The following RPH3A variants were observed in gnomAD, a reference collection of about 807,000 sequenced individuals.
RPH3A encodes rabphilin-3A.
A neutral mutation model predicts 102.2 loss-of-function variants in RPH3A; 48 were observed. That is an observed-to-expected ratio of 0.47 (90% CI 0.37 to 0.60). The LOEUF (loss-of-function observed/expected upper bound fraction) is 0.60. Ranked by LOEUF, RPH3A falls within the 20% of genes least tolerant of loss-of-function variation. The pLI, the probability that RPH3A is intolerant of heterozygous loss-of-function variation, is 0.00. For missense variants in RPH3A, 781 were observed against 910.1 expected, an observed-to-expected ratio of 0.86 and a Z score of 1.83; for synonymous variants, 310 against 324.3, an observed-to-expected ratio of 0.96 and a Z score of 0.47.
At chr12:112,765,010 G>A (rs1277530948) in intron 1 of RPH3A, among the ~76,000 whole-genome samples, 1 of 152,152 alleles carries the variant, frequency 6.6e-6, no homozygotes, top group African/African-American at 2.4e-5. Flanking sequence ...ATAATTGTCT[G>A]AGCCATAAAG....
intron 1 of RPH3A, among the ~76,000 whole-genome samples, chr12:112,680,024 C>G (rs2040215461): frequency 6.6e-6 from 1 of 152,088 alleles, no homozygotes; most frequent in African/African-American, 2.4e-5. Context: ...TTGGGAAGAG[C>G]AGAGGGAAGT....
At chr12:112,612,248 G>T (rs2039644782) in intron 1 of RPH3A, among the ~76,000 whole-genome samples, 1 of 152,188 alleles carries the variant, frequency 6.6e-6, no homozygotes, top group Non-Finnish European at 1.5e-5. Flanking sequence ...GTGCTGAAAT[G>T]AGTCCATGTG....
intron 1 of RPH3A, among the ~76,000 whole-genome samples, chr12:112,675,430 G>A (rs2136012181): frequency 6.6e-6 from 1 of 152,266 alleles, no homozygotes; most frequent in South Asian, 2.1e-4. Context: ...CAGCAACGGT[G>A]CTCTATTTGG....
intron 1 of RPH3A, among the ~76,000 whole-genome samples, chr12:112,604,754 G>A (rs1022911682): frequency 3.9e-5 from 6 of 152,320 alleles, no homozygotes; most frequent in African/African-American, 1.2e-4. Flanking sequence ...CCCTCTGAAG[G>A]CTTGACTGGG....
intron 1 of RPH3A, among the ~76,000 whole-genome samples, chr12:112,597,060 T>TG (rs2135966551): frequency 6.6e-6 from 1 of 152,306 alleles, no homozygotes; most frequent in Non-Finnish European, 1.5e-5. Flanking sequence ...CACATTAACC[T>TG]TCTCCCACCC....
chr12:112,734,575 G>C (rs2040655459), intron 1 of RPH3A, among the ~76,000 whole-genome samples: 1 of 152,198 alleles, frequency 6.6e-6, no homozygotes, highest in South Asian at 2.1e-4. Context: ...AGAAAGTAAA[G>C]GAGTAAAGAA....
chr12:112,742,667 A>G (rs753494229), intron 1 of RPH3A, among the ~76,000 whole-genome samples: 1 of 152,172 alleles, frequency 6.6e-6, no homozygotes, highest in Non-Finnish European at 1.5e-5. Context: ...GGAGAAAGTC[A>G]GGTTTATTGC....
chr12:112,834,014 C>A (rs923424203), intron 3 of RPH3A, among the ~76,000 whole-genome samples: 24 of 152,124 alleles, frequency 1.6e-4, no homozygotes, highest in African/African-American at 5.3e-4. Flanking sequence ...TGGCATGAGC[C>A]ACCATCAGCC....
At chr12:112,615,112 A>G (rs1263302628) in intron 1 of RPH3A, among the ~76,000 whole-genome samples, 2 of 152,202 alleles carry the variant, frequency 1.3e-5, no homozygotes, top group Non-Finnish European at 2.9e-5. Context: ...TATTCCCTAT[A>G]ATATTCCAGC....
intron 8 of RPH3A, chr12:112,868,880 G>A: frequency 3.3e-6 from 1 of 301,460 alleles, no homozygotes; most frequent in Non-Finnish European, 6.1e-6. Context: ...ATTAGGAACT[G>A]AGAGAGACTT....
In RPH3A at chr12:112,847,753, G is replaced by A; in HGVS notation, c.141G>A (p.Gln47=). ...GTCAGCCTGACAGGCAGAGGAAGCA[G>A]GAAGAGCTGACTGATGAGGAGAAAG... ...PGGQPDRQRK[Q]EELTDEEKEI... Residue 47 remains glutamine (Q), a synonymous_variant, in exon 5 of 22, where the codon CAG becomes CAA. Transcript: ENST00000389385. 6.2e-7 allele frequency: 1 copy of A among 1,614,228 alleles called. No individual in the cohort carries two copies. Among genetic ancestry groups the A allele is most frequent in the Non-Finnish European group, 8.5e-7 (1 of 1,180,030 alleles).
Position 112,791,935 on chromosome 12 carries a change from G to A in RPH3A, c.-217G>A, listed in dbSNP as rs1382555238. 1 of 71,730 alleles carries A rather than the reference G, an allele frequency of 1.4e-5. No homozygotes were observed. The highest frequency in any genetic ancestry group is 5.3e-5 in the African/African-American group (1 of 18,718). The allele number at this position is 71,730 out of a possible 1,614,324, so 4.4% of individuals were successfully genotyped here. A position where few individuals can be genotyped will look rare whatever the true frequency, so the allele number is the denominator to read the frequency against. Reference sequence around the variant, plus strand: ...CAGAGCTAAAACCTTCATCCATGTGGAGGACAGTCTGAGGGAGCCACTGTC... The same window carrying A: ...CAGAGCTAAAACCTTCATCCATGTGAAGGACAGTCTGAGGGAGCCACTGTC... On this transcript the variant is annotated 5_prime_UTR_variant, in exon 1 of 22. It introduces an in-frame stop codon into an upstream open reading frame of the 5' UTR. Coordinates refer to ENST00000389385, the MANE Select transcript of RPH3A (RefSeq NM_001143854.2).
chr12:112,678,291 AAGAAAGAAAGAAAGAGAGAGAG>A (rs2040199000), intron 1 of RPH3A, among the ~76,000 whole-genome samples: 1 of 30,708 alleles, frequency 3.3e-5, no homozygotes, highest in South Asian at 6.5e-4. Flanking sequence ...GAAAGAAAGA[AAGAAAGAAAGAAAGAGAGAGAG>A]AGAGAAAGAA....
chr12:112,761,415 TG>T (rs2040854636), intron 1 of RPH3A, among the ~76,000 whole-genome samples: 1 of 152,226 alleles, frequency 6.6e-6, no homozygotes, highest in Non-Finnish European at 1.5e-5. Flanking sequence ...TCTCCAAAAA[TG>T]TAAAGCAATC....
At chr12:112,693,189 T>A (rs1677356143) in intron 1 of RPH3A, among the ~76,000 whole-genome samples, 1 of 152,240 alleles carries the variant, frequency 6.6e-6, no homozygotes, top group South Asian at 2.1e-4. Context: ...TGACATTTCC[T>A]TCAGCAATTT....
chr12:112,678,687 G>T (rs1303745432), intron 1 of RPH3A, among the ~76,000 whole-genome samples: 2 of 152,156 alleles, frequency 1.3e-5, no homozygotes, highest in African/African-American at 2.4e-5. Context: ...ACCTGACGCA[G>T]GATTTAACAG....
chr12:112,721,848 A>T (rs778313617), intron 1 of RPH3A, among the ~76,000 whole-genome samples: 4 of 152,182 alleles, frequency 2.6e-5, no homozygotes, highest in Non-Finnish European at 4.4e-5. Flanking sequence ...TGGAGCTTTT[A>T]ATACTTCTTA....
At chr12:112,806,841 G>T (rs2041474958) in intron 2 of RPH3A, among the ~76,000 whole-genome samples, 1 of 151,926 alleles carries the variant, frequency 6.6e-6, no homozygotes, top group Non-Finnish European at 1.5e-5. Flanking sequence ...GATAAATGAA[G>T]GCAAAGATTC....
chr12:112,832,614 G>A (rs2041987598), intron 3 of RPH3A, among the ~76,000 whole-genome samples: 1 of 152,140 alleles, frequency 6.6e-6, no homozygotes, highest in Non-Finnish European at 1.5e-5. Context: ...GGCCAAGGCA[G>A]GAGTATCACT....
Sources: allele counts gnomAD v4.1 joint callset (sites outside exome capture counted in the v4.1 genomes callset), GRCh38; gene constraint gnomAD v4.1.1; transcripts MANE v1.5; gene names NCBI Gene and HGNC (gene_info 2026-07-23, HGNC 2026-07-21).